BPNT1: variants seen among roughly 807,000 people sequenced by gnomAD.
The protein encoded by BPNT1 is 3'(2'),5'-bisphosphate nucleotidase 1.
In BPNT1, 28 loss-of-function variants were observed where a neutral mutation model predicts 36.9. That is an observed-to-expected ratio of 0.76 (90% CI 0.56 to 1.04). The LOEUF is 1.04. Ranked by LOEUF, BPNT1 falls within the 50% of genes least tolerant of loss-of-function variation. The pLI is 0.00. For missense variants in BPNT1, 313 were observed against 372.9 expected (o/e 0.84, Z 1.32); for synonymous variants, 119 against 130.9 (o/e 0.91, Z 0.62).
chr1:220,058,283 A>G lies in BPNT1; in HGVS notation c.*561T>C. 1 of 989,212 alleles carries G rather than the reference A, an allele frequency of 1.0e-6. No homozygotes were observed. Among genetic ancestry groups the G allele is most frequent in the African/African-American group, 1.7e-5 (1 of 57,404 alleles). 61.3% of individuals were successfully genotyped at this position (989,212 alleles called of 1,614,324 possible). A position where few individuals can be genotyped will look rare whatever the true frequency, so the allele number is the denominator to read the frequency against. On this transcript the variant is annotated 3_prime_UTR_variant, in exon 9 of 9. Transcript: ENST00000322067. ...TTTTCTCATTTCTCCACCTAAATAC[A>G]GGAAAACAAATATAACATATTGAGT...
chr1:220,075,088 G>A (rs1015811230), intron 2 of BPNT1, among the ~76,000 whole-genome samples: 2 of 152,158 alleles, frequency 1.3e-5, no homozygotes, highest in Non-Finnish European at 2.9e-5. Context: ...CTGTCGCCTA[G>A]GCTGGAGTGC....
intron 7 of BPNT1, among the ~76,000 whole-genome samples, chr1:220,060,326 A>T (rs1662906420): frequency 6.6e-6 from 1 of 152,090 alleles, no homozygotes; most frequent in Admixed American, 6.5e-5. Context: ...AATACAAAAA[A>T]TTAGCTGGGT....
chr1:220,085,230 TAC>T (rs1193213048), intron 1 of BPNT1, among the ~76,000 whole-genome samples: 5 of 152,236 alleles, frequency 3.3e-5, no homozygotes, highest in Non-Finnish European at 7.3e-5. Context: ...CCAAACTAGC[TAC>T]AGGCAAGTTA....
intron 1 of BPNT1, among the ~76,000 whole-genome samples, chr1:220,088,240 T>G (rs1181002171): frequency 6.6e-6 from 1 of 151,516 alleles, no homozygotes; most frequent in Non-Finnish European, 1.5e-5. Flanking sequence ...ACACCTGTAA[T>G]CCCAGCACTT....
At chr1:220,081,032 T>C (rs1655052464) in intron 1 of BPNT1, among the ~76,000 whole-genome samples, 1 of 152,194 alleles carries the variant, frequency 6.6e-6, no homozygotes, top group Non-Finnish European at 1.5e-5. Flanking sequence ...TGGCGCCATC[T>C]TGGCTCACTG....
chr1:220,074,096 G>A lies in BPNT1; in HGVS notation c.121-25C>T. ...TCTGTAATAAAGAATGCAAATTTTAGCAGAGCTAATGAAAAATAAGTTGTC... is the reference window on the plus strand; with the variant it reads ...TCTGTAATAAAGAATGCAAATTTTAACAGAGCTAATGAAAAATAAGTTGTC... On this transcript the variant is annotated intron_variant, in intron 2 of 8. Coordinates refer to ENST00000322067, the MANE Select transcript of BPNT1 (RefSeq NM_006085.6). 3 of 1,599,648 alleles carry A rather than the reference G, an allele frequency of 1.9e-6. No individual in the cohort carries two copies. The South Asian group carries it at 3.4e-5, about 18-fold the overall frequency.
intron 1 of BPNT1, among the ~76,000 whole-genome samples, chr1:220,081,497 C>T (rs968587961): frequency 2.0e-5 from 3 of 151,678 alleles, no homozygotes; most frequent in Non-Finnish European, 4.4e-5. Context: ...GAGCAGAGAT[C>T]GCACCACTGC....
intron 2 of BPNT1, among the ~76,000 whole-genome samples, chr1:220,077,735 G>A (rs1428281441): frequency 6.6e-6 from 1 of 151,970 alleles, no homozygotes; most frequent in African/African-American, 2.4e-5. Flanking sequence ...AACAACCCTA[G>A]ATAGATATAT....
At chr1:220,082,420 A>T (rs1365426178) in intron 1 of BPNT1, among the ~76,000 whole-genome samples, 1 of 151,182 alleles carries the variant, frequency 6.6e-6, no homozygotes, top group Non-Finnish European at 1.5e-5. Flanking sequence ...ACCTCAAGTG[A>T]TCCACCCACC....
At position 220,072,840 on chromosome 1, in the gene BPNT1, T is replaced by C. The variant is rs746165724; in HGVS notation, c.333+10A>G. 1.9e-6 allele frequency: 3 copies of C among 1,601,872 alleles called. No individual in the cohort carries two copies. The highest frequency in any genetic ancestry group is 1.3e-5 in the African/African-American group (1 of 74,684). On this transcript the variant is annotated intron_variant, in intron 4 of 8. Transcript: ENST00000322067. Reference sequence around the variant, plus strand: ...GTTAATAGAGAGTTGAGTATAAATATGGGTCATACATCTTCTTCTTTAATA... The same window carrying C: ...GTTAATAGAGAGTTGAGTATAAATACGGGTCATACATCTTCTTCTTTAATA...
At chr1:220,061,707 G>A (rs1196412786) in intron 7 of BPNT1, among the ~76,000 whole-genome samples, 1 of 152,020 alleles carries the variant, frequency 6.6e-6, no homozygotes, top group Non-Finnish European at 1.5e-5. Flanking sequence ...ACATCCAGAG[G>A]TGGGTAGAAA....
Position 220,062,804 on chromosome 1 carries a change from C to A in BPNT1, c.625G>T (p.Ala209Ser), listed in dbSNP as rs1186678508. ...SNKLVTDCVA[A>S]MNPDAVLRVG... ...CGCAGCACAGCATCGGGGTTCATAG[C>A]AGCAACACAGTCAGTAACCAACTTG... The change falls in exon 7 of 9, where the codon GCT becomes TCT. Residue 209 changes from alanine (A) to serine (S), a missense_variant. Physicochemically the swap from Ala to Ser is moderately conservative, Grantham distance 99. Transcript: ENST00000322067. 1 of 1,614,182 alleles carries A rather than the reference C, an allele frequency of 6.2e-7. No individual in the cohort carries two copies.
chr1:220,086,092 T>A (rs1655690618), intron 1 of BPNT1, among the ~76,000 whole-genome samples: 2 of 152,148 alleles, frequency 1.3e-5, no homozygotes, highest in African/African-American at 4.8e-5. Flanking sequence ...ACTCCCCTTA[T>A]CAATTATCAA....
At chr1:220,059,564 T>C in intron 8 of BPNT1, 122 bp downstream of exon 8, 1 of 728,414 alleles carries the variant, frequency 1.4e-6, no homozygotes, top group Non-Finnish European at 2.2e-6. Flanking sequence ...GGATAATCTC[T>C]AAGCTGCCTT....
intron 8 of BPNT1, 97 bp downstream of exon 8, chr1:220,059,589 G>T: frequency 7.5e-6 from 7 of 936,534 alleles, no homozygotes; most frequent in Non-Finnish European, 1.1e-5. Flanking sequence ...CTTTTATATC[G>T]TAACAGTCTA....
chr1:220,078,314 A>AAT (rs1158887195), intron 2 of BPNT1, among the ~76,000 whole-genome samples: 1 of 145,108 alleles, frequency 6.9e-6, no homozygotes, highest in South Asian at 2.1e-4. Context: ...ATATATATAT[A>AAT]ATATATATAA....
intron 2 of BPNT1, among the ~76,000 whole-genome samples, chr1:220,076,945 T>C (rs1337793287): frequency 6.6e-6 from 1 of 152,188 alleles, no homozygotes; most frequent in Non-Finnish European, 1.5e-5. Flanking sequence ...ACTTATTCTG[T>C]GATCAAATGC....
At chr1:220,089,101 G>GGA (rs1491457691) in intron 1 of BPNT1, among the ~76,000 whole-genome samples, 1 of 39,156 alleles carries the variant, frequency 2.6e-5, no homozygotes, top group East Asian at 8.7e-4. Context: ...ACTCCGTCTC[G>GGA]AAAAAAAAAA....
intron 1 of BPNT1, 52 bp from the exon 2 acceptor site, chr1:220,079,906 TTTTA>T (rs1420478710): frequency 3.2e-6 from 5 of 1,554,856 alleles, no homozygotes; most frequent in South Asian, 1.2e-5. Flanking sequence ...CAACTACTGG[TTTTA>T]TTTATTTAAA....
Sources: gnomAD v4.1 joint callset for allele counts (sites outside exome capture counted in the v4.1 genomes callset) on GRCh38, gnomAD v4.1.1 for gene constraint, MANE v1.5 for transcripts, NCBI Gene and HGNC (gene_info 2026-07-23, HGNC 2026-07-21) for gene names.